The following MYT1L variants were observed in gnomAD, a reference collection of about 807,000 sequenced individuals.
MYT1L encodes the protein myelin transcription factor 1-like protein.
Under a neutral mutation model 126.7 loss-of-function variants are expected in MYT1L, and 12 were observed. The ratio of observed to expected loss-of-function variants is 0.09; its 90% CI spans 0.06 to 0.15. MYT1L has a LOEUF of 0.15. Ranked by LOEUF, MYT1L falls within the 10% of genes least tolerant of loss-of-function variation. The pLI, the probability that MYT1L is intolerant of heterozygous loss-of-function variation, is 1.00. For missense variants in MYT1L, 979 were observed against 1,585.2 expected (o/e 0.62, Z 6.49); for synonymous variants, 541 against 604.2 (o/e 0.90, Z 1.53).
rs1042506493 is a variant in MYT1L, at chr2:1,917,103, G to A, written c.1618+102C>T. The stretch of plus-strand genomic sequence containing the variant: ...AGTAGGGGCCTAGTTAAATCAGGTC[G>A]CACCGAGCCGTACAATGGAGATGAT... On this transcript the variant is annotated intron_variant, in intron 11 of 24. Transcript: ENST00000647738. This position sits in a 1 kb window ranked among gnomAD's most constrained non-coding sequence, Gnocchi z 5.9. 15 of 1,390,086 alleles carry A rather than the reference G, an allele frequency of 1.1e-5. No homozygotes were observed. The highest frequency in any genetic ancestry group is 7.1e-5 in the African/African-American group (5 of 70,144). 86.1% of individuals were successfully genotyped at this position (1,390,086 alleles called of 1,614,324 possible).
intron 2 of MYT1L, among the ~76,000 whole-genome samples, chr2:2,217,165 G>A (rs2093699633): frequency 6.6e-6 from 1 of 151,944 alleles, no homozygotes; most frequent in Admixed American, 6.6e-5. Context: ...CTCATTCTAT[G>A]GTGCCACCAT....
chr2:2,002,113 A>G (rs906011343), intron 4 of MYT1L, among the ~76,000 whole-genome samples: 11 of 152,138 alleles, frequency 7.2e-5, no homozygotes, highest in Admixed American at 6.5e-4. Context: ...TTTCCATTCT[A>G]CTTCTTTTTA....
chr2:2,053,790 C>T (rs1039937662), intron 4 of MYT1L, among the ~76,000 whole-genome samples, 188 bp downstream of exon 4: 2 of 152,196 alleles, frequency 1.3e-5, no homozygotes, highest in South Asian at 2.1e-4. Flanking sequence ...CAAGAGATTA[C>T]ACATTCTGAC....
At chr2:2,323,899 A>G (rs1419823383) in intron 1 of MYT1L, 3 of 152,218 alleles carry the variant, frequency 2.0e-5, no homozygotes, top group Non-Finnish European at 4.4e-5. Flanking sequence ...TTGAAACAAC[A>G]TTTGCTAATT....
At chr2:1,881,143 G>C (rs1033923858) in intron 18 of MYT1L, among the ~76,000 whole-genome samples, 1 of 152,176 alleles carries the variant, frequency 6.6e-6, no homozygotes, top group Non-Finnish European at 1.5e-5. Flanking sequence ...CTTACTGTGA[G>C]AGGAGGAGGA....
intron 9 of MYT1L, among the ~76,000 whole-genome samples, chr2:1,940,435 T>C (rs1312796773): frequency 6.7e-6 from 1 of 149,714 alleles, no homozygotes; most frequent in Non-Finnish European, 1.5e-5. Flanking sequence ...TGCTAGCAGG[T>C]AGGTTATCTC....
At position 2,224,823 on chromosome 2, in the gene MYT1L, G is replaced by A. The variant is rs373957582; in HGVS notation, c.-420-51835C>T. The stretch of plus-strand genomic sequence containing the variant: ...AACAGAGCAAGACTCCGTCTCAAAA[G>A]AAAAAAAAAAAAAGGAAAATAAATG... On this transcript the variant is annotated intron_variant, in intron 2 of 24. Transcript: ENST00000647738. This position sits in a 1 kb window ranked among gnomAD's most constrained non-coding sequence, Gnocchi z 4.0. 1.8e-4 allele frequency among the ~76,000 whole-genome samples: 26 copies of A among 146,186 alleles called. No homozygotes were observed. Among genetic ancestry groups the A allele is most frequent in the South Asian group, 2.2e-4 (1 of 4,598 alleles).
rs559332365 is a variant in MYT1L, at chr2:2,053,999, T to C, written c.-179A>G. The C allele has an allele frequency of 2.0e-5, 3 of 152,824 alleles. No homozygotes were observed. Among genetic ancestry groups the C allele is most frequent in the East Asian group, 1.9e-4 (1 of 5,196 alleles). 9.5% of individuals were successfully genotyped at this position (152,824 alleles called of 1,614,324 possible). A position where few individuals can be genotyped will look rare whatever the true frequency, so the allele number is the denominator to read the frequency against. ...TCACCTTTAGGTGGCTCCTCGGATATCCATACGTCTGTGAGACCAACTGGA... is the reference window on the plus strand; with the variant it reads ...TCACCTTTAGGTGGCTCCTCGGATACCCATACGTCTGTGAGACCAACTGGA... On this transcript the variant is annotated 5_prime_UTR_variant, in exon 4 of 25. Coordinates refer to ENST00000647738, the MANE Select transcript of MYT1L (RefSeq NM_001303052.2).
rs575366209 is a variant in MYT1L at position 1,929,126 on chromosome 2, G to A, written c.506-5863C>T. ...CCCTCTCGCTTCAAAGGCCCCAGGC[G>A]CATGCTGAGACACTGCAGTCTCTTT... On this transcript the variant is annotated intron_variant, in intron 9 of 24. Transcript: ENST00000647738. The surrounding 1 kb of genome is among the most constrained non-coding windows in gnomAD (Gnocchi z 4.7). 3.3e-5 allele frequency among the ~76,000 whole-genome samples: 5 copies of A among 152,142 alleles called. No homozygotes were observed. The highest frequency in any genetic ancestry group is 1.5e-5 in the Non-Finnish European group (1 of 68,022).
chr2:2,119,604 A>G (rs114416493), intron 3 of MYT1L, among the ~76,000 whole-genome samples: 160 of 152,332 alleles, frequency 1.1e-3, no homozygotes, highest in African/African-American at 3.5e-3. Context: ...CATGCTGTGC[A>G]TTTCAGGGTA....
chr2:2,316,494 A>T (rs2096066312), intron 1 of MYT1L, among the ~76,000 whole-genome samples: 1 of 152,224 alleles, frequency 6.6e-6, no homozygotes, highest in African/African-American at 2.4e-5. Context: ...CTATTTCCTT[A>T]AGGATCATGC....
At position 1,806,492 on chromosome 2, in the gene MYT1L, T is replaced by A. The variant is rs1472674272; in HGVS notation, c.3172+2584A>T. 2.0e-5 allele frequency among the ~76,000 whole-genome samples: 3 copies of A among 152,262 alleles called. No homozygotes were observed. The highest frequency in any genetic ancestry group is 7.2e-5 in the African/African-American group (3 of 41,470). On this transcript the variant is annotated intron_variant, in intron 22 of 24. Coordinates refer to ENST00000647738, the MANE Select transcript of MYT1L (RefSeq NM_001303052.2). The surrounding 1 kb of genome is among the most constrained non-coding windows in gnomAD (Gnocchi z 4.9). ...GAATGCCCGTGTCCCGGCTGCTTTCTGGTGGGATGACACCCAGTTGTTGGT... is the reference window on the plus strand; with the variant it reads ...GAATGCCCGTGTCCCGGCTGCTTTCAGGTGGGATGACACCCAGTTGTTGGT...
At chr2:2,102,287 G>A (rs1472397564) in intron 3 of MYT1L, among the ~76,000 whole-genome samples, 3 of 152,138 alleles carry the variant, frequency 2.0e-5, no homozygotes, top group African/African-American at 7.2e-5. Context: ...CCTCCAAACT[G>A]TTATGAGAAT....
chr2:1,844,748 C>A (rs757022762), intron 19 of MYT1L, among the ~76,000 whole-genome samples: 3 of 152,188 alleles, frequency 2.0e-5, no homozygotes, highest in South Asian at 2.1e-4. Context: ...TCACCTTTAT[C>A]TGCACTTGTG....
chr2:2,233,650 G>A (rs1017467975), intron 2 of MYT1L, among the ~76,000 whole-genome samples: 4 of 152,190 alleles, frequency 2.6e-5, no homozygotes, highest in Non-Finnish European at 4.4e-5. Flanking sequence ...TGTGAGTGTG[G>A]TTGTAACAAG....
intron 18 of MYT1L, among the ~76,000 whole-genome samples, chr2:1,857,784 A>G (rs2044096898): frequency 6.6e-6 from 1 of 152,190 alleles, no homozygotes; most frequent in South Asian, 2.1e-4. Context: ...TCACCTAAAC[A>G]GATCTGGTTC....
At chr2:1,829,795 GT>G (rs2039891284) in intron 21 of MYT1L, among the ~76,000 whole-genome samples, 1 of 146,800 alleles carries the variant, frequency 6.8e-6, no homozygotes, top group South Asian at 2.2e-4. Flanking sequence ...CCATACACCT[GT>G]GAATTGACCT....
At chr2:2,038,938 C>T (rs192662897) in intron 4 of MYT1L, among the ~76,000 whole-genome samples, 30 of 152,250 alleles carry the variant, frequency 2.0e-4, no homozygotes, top group Middle Eastern at 3.4e-3. Context: ...CCTCGGTGTT[C>T]GTGGCTCCTT....
chr2:2,144,589 C>T (rs1018929687), intron 3 of MYT1L, among the ~76,000 whole-genome samples: 21 of 152,188 alleles, frequency 1.4e-4, no homozygotes, highest in African/African-American at 4.8e-4. Context: ...AAACGGCAGA[C>T]ACTTTAGGTG....
Sources: allele counts gnomAD v4.1 joint callset (sites outside exome capture counted in the v4.1 genomes callset), GRCh38; gene constraint gnomAD v4.1.1; non-coding constraint Gnocchi (gnomAD v3.1); transcripts MANE v1.5; gene names NCBI Gene and HGNC (gene_info 2026-07-23, HGNC 2026-07-21).